The following KLHL14 variants were observed in gnomAD, a reference collection of about 807,000 sequenced individuals.
KLHL14 encodes the protein kelch-like protein 14.
In KLHL14, 22 loss-of-function variants were observed where a neutral mutation model predicts 64.3. The ratio of observed to expected loss-of-function variants is 0.34; its 90% CI spans 0.24 to 0.49. KLHL14 has a LOEUF of 0.49. KLHL14 is among the 20% of genes least tolerant of loss of function. The probability of loss-of-function intolerance (pLI) is 0.99; values close to 1 mark genes in which losing one functional copy is unlikely to be tolerated. For synonymous variants in KLHL14, 322 were observed against 333.4 expected (o/e 0.97, Z 0.37); for missense variants, 661 against 789.0 (o/e 0.84, Z 1.94).
In KLHL14 at chr18:32,752,309, G is replaced by A. The variant is rs147088818; in HGVS notation, c.948-10260C>T. ...TTCAAGGTTCAGTCAGTGGGGTGGA[G>A]GTGTCAAAAGGCAATGGGGAAAAAG... is the stretch of plus-strand genomic sequence containing the variant. On this transcript the variant is annotated intron_variant, in intron 2 of 8. Coordinates refer to ENST00000359358, the MANE Select transcript of KLHL14 (RefSeq NM_020805.3). Among the ~76,000 whole-genome samples the A allele has an allele frequency of 2.1e-4, 32 of 152,128 alleles. No homozygotes were observed. The East Asian group carries it at 5.8e-3, about 28-fold the overall frequency.
chr18:32,694,043 T>C (rs1423487042), intron 4 of KLHL14, among the ~76,000 whole-genome samples: 1 of 152,206 alleles, frequency 6.6e-6, no homozygotes, highest in Non-Finnish European at 1.5e-5. Flanking sequence ...CTGCTTAAGA[T>C]CTGACTTAAG....
chr18:32,714,780 C>T (rs2050036799), intron 3 of KLHL14, among the ~76,000 whole-genome samples: 1 of 152,012 alleles, frequency 6.6e-6, no homozygotes, highest in Non-Finnish European at 1.5e-5. Flanking sequence ...GAAAAAACAT[C>T]AAGAACTATG....
chr18:32,750,181 G>A (rs1010460227), intron 2 of KLHL14, among the ~76,000 whole-genome samples: 19 of 152,010 alleles, frequency 1.2e-4, no homozygotes, highest in East Asian at 1.9e-4. Context: ...GGTGATTAGG[G>A]TTTCAAGGTA....
chr18:32,726,348 G>T (rs1437205557), intron 3 of KLHL14, among the ~76,000 whole-genome samples: 2 of 152,190 alleles, frequency 1.3e-5, no homozygotes, highest in African/African-American at 2.4e-5. Flanking sequence ...TCTTGGCCGG[G>T]TGCAGCGGCT....
chr18:32,714,638 A>G (rs73955260), intron 3 of KLHL14, among the ~76,000 whole-genome samples: 7,052 of 152,260 alleles, frequency 0.046, 465 homozygotes, highest in African/African-American at 0.15. Context: ...TGTTGAAGGA[A>G]GAATGAAGTC....
intron 3 of KLHL14, among the ~76,000 whole-genome samples, chr18:32,726,065 C>T (rs2050106528): frequency 6.6e-6 from 1 of 152,218 alleles, no homozygotes; most frequent in Non-Finnish European, 1.5e-5. Context: ...GTGAAGTAGT[C>T]ATGACCTTAG....
At chr18:32,743,797 C>T (rs937273893) in intron 2 of KLHL14, 1 of 152,198 alleles carries the variant, frequency 6.6e-6, no homozygotes, top group Non-Finnish European at 1.5e-5. Context: ...ACCTTTCTTT[C>T]ACTTGGAAAA....
intron 5 of KLHL14, among the ~76,000 whole-genome samples, chr18:32,684,423 G>A (rs1320922643): frequency 6.6e-6 from 1 of 152,068 alleles, no homozygotes; most frequent in African/African-American, 2.4e-5. Context: ...TGTCAGCACT[G>A]AGTGGGAAAA....
intron 8 of KLHL14, among the ~76,000 whole-genome samples, chr18:32,675,147 G>T (rs1006856813): frequency 2.0e-5 from 3 of 152,088 alleles, no homozygotes; most frequent in African/African-American, 7.2e-5. Flanking sequence ...TGAGCCCAGG[G>T]GTTTGAGACC....
chr18:32,682,764 G>A (rs1190693611), intron 5 of KLHL14, among the ~76,000 whole-genome samples: 1 of 152,242 alleles, frequency 6.6e-6, no homozygotes, highest in East Asian at 1.9e-4. Context: ...ACCTTTTCAA[G>A]TTAAAGTGTT....
intron 5 of KLHL14, among the ~76,000 whole-genome samples, chr18:32,681,842 G>A (rs2049840544): frequency 6.6e-6 from 1 of 152,108 alleles, no homozygotes; most frequent in Admixed American, 6.6e-5. Context: ...TATATAGCAC[G>A]GTGATTAACG....
chr18:32,681,439 A>T (rs1220002538), intron 5 of KLHL14, among the ~76,000 whole-genome samples: 13 of 152,166 alleles, frequency 8.5e-5, no homozygotes, highest in Non-Finnish European at 1.5e-5. Flanking sequence ...AAGGAAGAAG[A>T]TGTAAAACTT....
At chr18:32,682,329 T>A (rs2049844127) in intron 5 of KLHL14, among the ~76,000 whole-genome samples, 1 of 152,130 alleles carries the variant, frequency 6.6e-6, no homozygotes, top group Admixed American at 6.5e-5. Flanking sequence ...ATATGTGCCT[T>A]GGAAAATTCA....
At chr18:32,759,228 C>A (rs947192730) in intron 2 of KLHL14, among the ~76,000 whole-genome samples, 6 of 152,088 alleles carry the variant, frequency 3.9e-5, no homozygotes, top group South Asian at 2.1e-4. Flanking sequence ...CTATATATCA[C>A]TCAAAGGTGG....
At chr18:32,705,863 G>A (rs1028400106) in intron 3 of KLHL14, among the ~76,000 whole-genome samples, 1 of 152,206 alleles carries the variant, frequency 6.6e-6, no homozygotes, top group Non-Finnish European at 1.5e-5. Context: ...CAGCGGGCCT[G>A]CTCTACCTAC....
chr18:32,752,288 A>G (rs10460048), intron 2 of KLHL14, among the ~76,000 whole-genome samples: 40,654 of 152,012 alleles, frequency 0.27, 6,171 homozygotes, highest in South Asian at 0.38. Flanking sequence ...ACTTGTTTCA[A>G]GGTTCAGTCA....
At chr18:32,731,104 A>C (rs2050135109) in intron 3 of KLHL14, among the ~76,000 whole-genome samples, 1 of 152,232 alleles carries the variant, frequency 6.6e-6, no homozygotes. Context: ...TACACTCCCC[A>C]GCAATGGAGT....
intron 2 of KLHL14, among the ~76,000 whole-genome samples, chr18:32,764,695 C>A (rs2050331471): frequency 6.6e-6 from 1 of 152,146 alleles, no homozygotes; most frequent in Non-Finnish European, 1.5e-5. Context: ...TCAGTGCCCA[C>A]AAATGCAGTT....
chr18:32,762,844 A>G (rs2050321599), intron 2 of KLHL14, among the ~76,000 whole-genome samples: 1 of 152,340 alleles, frequency 6.6e-6, no homozygotes, highest in Admixed American at 6.5e-5. Flanking sequence ...GAAGACAAAC[A>G]TTTATGATCT....
Sources: allele counts gnomAD v4.1 joint callset (sites outside exome capture counted in the v4.1 genomes callset), GRCh38; gene constraint gnomAD v4.1.1; transcripts MANE v1.5; gene names NCBI Gene and HGNC (gene_info 2026-07-23, HGNC 2026-07-21).